PLXNA2: variants seen among roughly 807,000 people sequenced by gnomAD.
The protein encoded by PLXNA2 is plexin-A2.
PLXNA2 carries 91 observed loss-of-function variants against 193.5 expected under a neutral mutation model. The observed-to-expected ratio is 0.47, with a 90% confidence interval of 0.40 to 0.56. PLXNA2 has a LOEUF of 0.56. Among genes scored for constraint, PLXNA2 ranks in the 20% least tolerant of loss-of-function variants. The pLI is 0.00. For missense variants in PLXNA2, 1,995 were observed against 2,503.2 expected, an observed-to-expected ratio of 0.80 and a Z score of 4.33; for synonymous variants, 997 against 1,027.3, an observed-to-expected ratio of 0.97 and a Z score of 0.56.
rs373266121 is a variant in PLXNA2, at chr1:208,072,898, C to T, written c.2586+6362G>A. ...GTTCCAAGAGGATTCTGATCCTGCA[C>T]GCAGAGACATTTTAGGTACTCTTGG... On this transcript the variant is annotated intron_variant, in intron 12 of 31. Coordinates refer to ENST00000367033, the MANE Select transcript of PLXNA2 (RefSeq NM_025179.4). 2.4e-4 allele frequency among the ~76,000 whole-genome samples: 37 copies of T among 152,250 alleles called. 1 individual carries two copies. The South Asian group carries it at 6.6e-3, about 27-fold the overall frequency.
Position 208,210,104 on chromosome 1 carries a change from A to C in PLXNA2, c.1371+176T>G, listed in dbSNP as rs530815964. ...ATACCCAATGACTGATGGCTGGAGG[A>C]AGTAGCTAGAAGCTAAGTCACAAAA... On this transcript the variant is annotated intron_variant, in intron 3 of 31. Transcript: ENST00000367033. 16 of 631,100 alleles carry C rather than the reference A, an allele frequency of 2.5e-5. No individual in the cohort carries two copies. The African/African-American group carries it at 2.6e-4, about 10-fold the overall frequency. 39.1% of individuals were successfully genotyped at this position (631,100 alleles called of 1,614,324 possible).
At chr1:208,207,921 A>T (rs1257456519) in intron 3 of PLXNA2, among the ~76,000 whole-genome samples, 1 of 152,224 alleles carries the variant, frequency 6.6e-6, no homozygotes, top group African/African-American at 2.4e-5. Context: ...GAAGCAGCCA[A>T]ATCACAGGTC....
chr1:208,226,278 C>A (rs1391245030), intron 1 of PLXNA2, among the ~76,000 whole-genome samples: 1 of 152,150 alleles, frequency 6.6e-6, no homozygotes, highest in South Asian at 2.1e-4. Context: ...CTCACTCCCA[C>A]CCCGGCTCCT....
In PLXNA2 at chr1:208,027,035, G is replaced by A. The variant is rs956942144; in HGVS notation, c.*208C>T. On this transcript the variant is annotated 3_prime_UTR_variant, in exon 32 of 32. Transcript: ENST00000367033. ...GTTCTCTGGTGTTCTCACTGAGGAT[G>A]GACGACGCCCACTGTCTCTCCCAGC... 10 of 510,792 alleles carry A rather than the reference G, an allele frequency of 2.0e-5. No homozygotes were observed. The highest frequency in any genetic ancestry group is 1.7e-4 in the African/African-American group (9 of 52,072). 31.6% of individuals were successfully genotyped at this position (510,792 alleles called of 1,614,324 possible). A position where few individuals can be genotyped will look rare whatever the true frequency, so the allele number is the denominator to read the frequency against.
At chr1:208,241,102 T>C (rs1672035817) in intron 1 of PLXNA2, among the ~76,000 whole-genome samples, 2 of 152,194 alleles carry the variant, frequency 1.3e-5, no homozygotes, top group Non-Finnish European at 2.9e-5. Context: ...GTCACTGGTT[T>C]CCCCTCCTGT....
chr1:208,191,946 G>C (rs72741243), intron 3 of PLXNA2, among the ~76,000 whole-genome samples: 3,329 of 152,232 alleles, frequency 0.022, 45 homozygotes, highest in South Asian at 0.068. Flanking sequence ...CAGGGTCAGG[G>C]ATCCACGAGG....
chr1:208,121,740 A>G (rs189615185), intron 4 of PLXNA2, among the ~76,000 whole-genome samples: 114 of 152,224 alleles, frequency 7.5e-4, no homozygotes, highest in Admixed American at 1.4e-3. Flanking sequence ...ACTAATACAA[A>G]TATCATGAAT....
intron 24 of PLXNA2, among the ~76,000 whole-genome samples, chr1:208,039,200 C>T (rs760361090): frequency 3.0e-4 from 45 of 152,240 alleles, no homozygotes; most frequent in Non-Finnish European, 5.7e-4. Context: ...TCTCAAAGCA[C>T]CAGGACTCTA....
intron 3 of PLXNA2, among the ~76,000 whole-genome samples, chr1:208,167,975 C>A (rs1231663100): frequency 3.3e-5 from 5 of 152,176 alleles, no homozygotes; most frequent in African/African-American, 1.2e-4. Context: ...AGATGGGTGA[C>A]AAAGTGAATG....
intron 17 of PLXNA2, among the ~76,000 whole-genome samples, chr1:208,047,824 A>G (rs147425272): frequency 1.3e-5 from 2 of 152,332 alleles, no homozygotes; most frequent in Non-Finnish European, 2.9e-5. Context: ...TTCCTTTCCA[A>G]AGGGAATTTA....
intron 3 of PLXNA2, among the ~76,000 whole-genome samples, chr1:208,162,499 C>T (rs1395858668): frequency 2.6e-5 from 4 of 152,146 alleles, no homozygotes; most frequent in Admixed American, 2.6e-4. Flanking sequence ...TCCTTTCTAG[C>T]TTTGGCCCTT....
intron 12 of PLXNA2, among the ~76,000 whole-genome samples, chr1:208,070,295 C>T (rs1665938565): frequency 6.6e-6 from 1 of 152,206 alleles, no homozygotes; most frequent in Non-Finnish European, 1.5e-5. Flanking sequence ...CTGGAGTTGG[C>T]CTTGCTGGTC....
At chr1:208,221,515 C>A (rs1272404039) in intron 1 of PLXNA2, among the ~76,000 whole-genome samples, 1 of 147,746 alleles carries the variant, frequency 6.8e-6, no homozygotes, top group Non-Finnish European at 1.5e-5. Context: ...CAAGTGAATT[C>A]ATCTCACAGG....
chr1:208,132,776 G>C (rs968820414), intron 4 of PLXNA2, among the ~76,000 whole-genome samples: 2 of 152,088 alleles, frequency 1.3e-5, no homozygotes, highest in Non-Finnish European at 2.9e-5. Context: ...TTTACTAAGC[G>C]GGTAGTAGGT....
At chr1:208,206,766 GTTTTT>G (rs896776741) in intron 3 of PLXNA2, among the ~76,000 whole-genome samples, 3 of 116,750 alleles carry the variant, frequency 2.6e-5, no homozygotes, top group Non-Finnish European at 3.5e-5. Flanking sequence ...GCACATATAG[GTTTTT>G]TTTTTTTTTT....
intron 3 of PLXNA2, among the ~76,000 whole-genome samples, chr1:208,144,989 C>T (rs1277528485): frequency 6.6e-6 from 1 of 152,078 alleles, no homozygotes; most frequent in African/African-American, 2.4e-5. Context: ...TGGGAAAATG[C>T]CCCACAGTTA....
At chr1:208,216,053 C>T (rs1042500350) in intron 2 of PLXNA2, among the ~76,000 whole-genome samples, 4 of 152,208 alleles carry the variant, frequency 2.6e-5, no homozygotes, top group Admixed American at 2.6e-4. Flanking sequence ...CAGTGGCCTA[C>T]AGCTCTGTGT....
At chr1:208,187,010 C>T (rs1249863) in intron 3 of PLXNA2, among the ~76,000 whole-genome samples, 46,619 of 151,942 alleles carry the variant, frequency 0.31, 9,285 homozygotes, top group Middle Eastern at 0.44. Context: ...CGTGAGCCAC[C>T]GCGCCCGGCC....
At chr1:208,239,130 C>G (rs1671963042) in intron 1 of PLXNA2, among the ~76,000 whole-genome samples, 1 of 150,358 alleles carries the variant, frequency 6.7e-6, no homozygotes. Context: ...GAATATATCT[C>G]ATCTATTAAT....
Sources: gnomAD v4.1 joint callset for allele counts (sites outside exome capture counted in the v4.1 genomes callset) on GRCh38, gnomAD v4.1.1 for gene constraint, MANE v1.5 for transcripts, NCBI Gene and HGNC (gene_info 2026-07-23, HGNC 2026-07-21) for gene names.